ATP11C: variants seen among roughly 807,000 people sequenced by gnomAD.
The protein encoded by ATP11C is phospholipid-transporting ATPase IG.
A neutral mutation model predicts 97.4 loss-of-function variants in ATP11C; 36 were observed. The observed-to-expected ratio is 0.37, with a 90% CI of 0.28 to 0.49. ATP11C has a LOEUF of 0.49. Among genes scored for constraint, ATP11C ranks in the 20% least tolerant of loss-of-function variants. The pLI, the probability that ATP11C is intolerant of heterozygous loss-of-function variation, is 0.98. For synonymous variants in ATP11C, 275 were observed against 290.9 expected (o/e 0.95, Z 0.56); for missense variants, 730 against 824.6 (o/e 0.89, Z 1.40).
At chrX:139,872,654 T>C (rs1335268250) in intron 1 of ATP11C, among the ~76,000 whole-genome samples, 2 of 111,119 alleles carry the variant, frequency 1.8e-5, no homozygotes, top group Middle Eastern at 4.6e-3. Context: ...AGAATGATGG[T>C]TTCCAGCTTC....
chrX:139,899,662 G>A (rs2084866116), intron 1 of ATP11C, among the ~76,000 whole-genome samples: 1 of 111,352 alleles, frequency 9.0e-6, no homozygotes, highest in African/African-American at 3.3e-5. Flanking sequence ...TAGGGAAAAT[G>A]GGTGCAGGAT....
intron 18 of ATP11C, 102 bp from the exon 19 acceptor site, chrX:139,775,055 A>G (rs898488723): frequency 4.6e-6 from 4 of 866,218 alleles, no homozygotes; most frequent in Non-Finnish European, 6.3e-6. Context: ...CAGCAATTCT[A>G]GAGTCCTGAC....
intron 4 of ATP11C, among the ~76,000 whole-genome samples, chrX:139,815,762 A>G (rs1290888156): frequency 9.0e-6 from 1 of 110,639 alleles, no homozygotes; most frequent in African/African-American, 3.3e-5. Context: ...TTCAAACACA[A>G]CTGTTTGAAA....
intron 7 of ATP11C, 69 bp downstream of exon 7, chrX:139,802,167 T>C (rs2082939970): frequency 1.2e-6 from 1 of 804,970 alleles, no homozygotes; most frequent in African/African-American, 2.0e-5. Context: ...GGTGTTTCTT[T>C]TGCAATACTA....
intron 1 of ATP11C, among the ~76,000 whole-genome samples, chrX:139,841,927 G>A (rs1446245450): frequency 4.5e-5 from 5 of 112,307 alleles, no homozygotes; most frequent in African/African-American, 1.6e-4. Flanking sequence ...CTGGGACTAG[G>A]ACCTTATCAG....
chrX:139,845,330 T>C (rs1338749311), intron 1 of ATP11C, among the ~76,000 whole-genome samples: 5 of 112,214 alleles, frequency 4.5e-5, no homozygotes, highest in Admixed American at 3.8e-4. Context: ...CCTACAGAGA[T>C]TTGCTTTAAA....
At chrX:139,824,987 A>G (rs759133688) in intron 2 of ATP11C, among the ~76,000 whole-genome samples, 10 of 112,015 alleles carry the variant, frequency 8.9e-5, no homozygotes, top group Non-Finnish European at 1.9e-4. Context: ...TGAGGAAGAA[A>G]AAGTCAAATT....
intron 25 of ATP11C, among the ~76,000 whole-genome samples, chrX:139,744,203 G>A (rs183334492): frequency 1.8e-5 from 2 of 110,453 alleles, no homozygotes; most frequent in Non-Finnish European, 1.9e-5. Context: ...ATCTGAATGC[G>A]TAACATTAAA....
chrX:139,772,954 G>A (rs2082280908), intron 19 of ATP11C, among the ~76,000 whole-genome samples: 1 of 110,715 alleles, frequency 9.0e-6, no homozygotes, highest in Non-Finnish European at 1.9e-5. Flanking sequence ...ATGAGATTTA[G>A]AGGGGCCAGG....
intron 3 of ATP11C, among the ~76,000 whole-genome samples, chrX:139,818,508 T>C (rs1291386866): frequency 8.9e-6 from 1 of 111,976 alleles, no homozygotes; most frequent in Non-Finnish European, 1.9e-5. Context: ...CATCTGACCA[T>C]AGATCCAGAG....
At chrX:139,924,077 C>A (rs768716467) in intron 1 of ATP11C, 1 of 372,538 alleles carries the variant, frequency 2.7e-6, no homozygotes, top group African/African-American at 2.6e-5. Context: ...AGTATTAGGA[C>A]TATGAGCAAA....
At chrX:139,916,816 A>G (rs2085162735) in intron 1 of ATP11C, among the ~76,000 whole-genome samples, 1 of 111,972 alleles carries the variant, frequency 8.9e-6, no homozygotes, top group Non-Finnish European at 1.9e-5. Context: ...CAATCTTGAA[A>G]AAGAGCAAAG....
chrX:139,891,523 G>T (rs908162274), intron 1 of ATP11C, among the ~76,000 whole-genome samples: 1 of 111,776 alleles, frequency 8.9e-6, no homozygotes, highest in African/African-American at 3.3e-5. Flanking sequence ...TAGCCATCAT[G>T]ATTGTTTATT....
At chrX:139,802,541 G>A (rs1009542166) in intron 6 of ATP11C, among the ~76,000 whole-genome samples, 15 of 111,599 alleles carry the variant, frequency 1.3e-4, no homozygotes, top group South Asian at 7.4e-4. Context: ...ATAACCTGCC[G>A]CAAGGAGGGT....
intron 1 of ATP11C, among the ~76,000 whole-genome samples, chrX:139,904,756 G>A (rs1031730629): frequency 3.6e-5 from 4 of 110,679 alleles, no homozygotes; most frequent in East Asian, 2.9e-4. Context: ...GAGCAGAAAT[G>A]GGGTCCTCGG....
At chrX:139,909,122 T>C (rs72617909) in intron 1 of ATP11C, among the ~76,000 whole-genome samples, 2,877 of 111,101 alleles carry the variant, frequency 0.026, 99 homozygotes, top group East Asian at 0.17. Context: ...CTTTTGGGGT[T>C]TTTTTTATTT....
intron 1 of ATP11C, among the ~76,000 whole-genome samples, chrX:139,879,985 T>A (rs992522351): frequency 9.0e-6 from 1 of 111,406 alleles, no homozygotes; most frequent in African/African-American, 3.3e-5. Flanking sequence ...TTCAAGTATG[T>A]GTGCCTTGTA....
intron 1 of ATP11C, among the ~76,000 whole-genome samples, chrX:139,859,481 G>C (rs2084145965): frequency 9.0e-6 from 1 of 111,501 alleles, no homozygotes; most frequent in Non-Finnish European, 1.9e-5. Context: ...ATTAAAAGTT[G>C]TTATAAAAAA....
At chrX:139,889,941 A>G (rs1350294040) in intron 1 of ATP11C, among the ~76,000 whole-genome samples, 3 of 112,328 alleles carry the variant, frequency 2.7e-5, no homozygotes, top group Non-Finnish European at 5.6e-5. Context: ...TCATTCAAAG[A>G]ACTGCCTAAG....
Sources: allele counts gnomAD v4.1 joint callset (sites outside exome capture counted in the v4.1 genomes callset), GRCh38; gene constraint gnomAD v4.1.1; transcripts MANE v1.5; gene names NCBI Gene and HGNC (gene_info 2026-07-23, HGNC 2026-07-21).